Variants in EYA1 observed in about 807,000 individuals in gnomAD.
EYA1 encodes the protein protein phosphatase EYA1.
Under a neutral mutation model 82.0 loss-of-function variants are expected in EYA1, and 16 were observed. The ratio of observed to expected loss-of-function variants is 0.20; its 90% CI spans 0.13 to 0.30. The LOEUF (loss-of-function observed/expected upper bound fraction) is 0.30. EYA1 is among the 10% of genes least tolerant of loss of function. The probability of loss-of-function intolerance (pLI) is 1.00; values close to 1 mark genes in which losing one functional copy is unlikely to be tolerated. For synonymous variants in EYA1, 261 were observed against 264.4 expected, an observed-to-expected ratio of 0.99 and a Z score of 0.12; for missense variants, 633 against 730.7, an observed-to-expected ratio of 0.87 and a Z score of 1.54.
chr8:71,256,865 G>A (rs541267475), intron 11 of EYA1, among the ~76,000 whole-genome samples: 3 of 152,018 alleles, frequency 2.0e-5, no homozygotes, highest in Non-Finnish European at 2.9e-5. Context: ...TGGGCATGGT[G>A]GCGCATGCCT....
intron 17 of EYA1, 118 bp downstream of exon 17, chr8:71,211,038 G>A (rs1392388343): frequency 4.0e-6 from 3 of 757,916 alleles, no homozygotes; most frequent in African/African-American, 3.4e-5. Flanking sequence ...AGTGCTTAGA[G>A]TACTGCACAT....
At chr8:71,412,847 C>T (rs1830679385) in intron 2 of EYA1, among the ~76,000 whole-genome samples, 1 of 152,200 alleles carries the variant, frequency 6.6e-6, no homozygotes, top group Non-Finnish European at 1.5e-5. Flanking sequence ...TACCTCTTGA[C>T]AGTCTCACAT....
At chr8:71,336,608 G>T (rs1824513430) in intron 3 of EYA1, among the ~76,000 whole-genome samples, 1 of 152,110 alleles carries the variant, frequency 6.6e-6, no homozygotes, top group South Asian at 2.1e-4. Flanking sequence ...CTCCCAAGAG[G>T]CACATTCAAT....
intron 2 of EYA1, among the ~76,000 whole-genome samples, chr8:71,418,619 C>T (rs187205153): frequency 1.7e-4 from 26 of 152,312 alleles, no homozygotes; most frequent in African/African-American, 5.8e-4. Flanking sequence ...CAAATATACA[C>T]ATTATCTCAG....
intron 9 of EYA1, among the ~76,000 whole-genome samples, chr8:71,294,409 G>C (rs917566074): frequency 1.2e-4 from 18 of 152,024 alleles, no homozygotes; most frequent in Admixed American, 3.3e-4. Flanking sequence ...GCAGTGAGCC[G>C]AGATAGCGCC....
At chr8:71,386,025 G>A (rs1342586021) in intron 2 of EYA1, among the ~76,000 whole-genome samples, 1 of 151,980 alleles carries the variant, frequency 6.6e-6, no homozygotes, top group Non-Finnish European at 1.5e-5. Context: ...TACTTGTTTT[G>A]GTTTTGTAGT....
intron 11 of EYA1, among the ~76,000 whole-genome samples, chr8:71,256,781 C>A (rs1422225341): frequency 6.6e-6 from 1 of 152,136 alleles, no homozygotes; most frequent in Non-Finnish European, 1.5e-5. Context: ...GGGTGGATCA[C>A]CTGAGGTCAG....
In EYA1 at chr8:71,333,459, AATAT is replaced by A. The variant is rs765107851; in HGVS notation, c.202+634_202+637del. 1.1e-3 allele frequency among the ~76,000 whole-genome samples: 169 copies of A among 152,348 alleles called. 1 individual carries two copies. The highest frequency in any genetic ancestry group is 2.1e-3 in the Non-Finnish European group (146 of 68,040). ...TCTGATATAAATAATTTTTAAATGAAATATTCCAAACTGGGCTGGGTGACTTGGC... is the reference window on the plus strand; with the variant it reads ...TCTGATATAAATAATTTTTAAATGAATCCAAACTGGGCTGGGTGACTTGGC... On this transcript the variant is annotated intron_variant, in intron 4 of 17. Coordinates refer to ENST00000340726, the MANE Select transcript of EYA1 (RefSeq NM_000503.6).
At position 71,411,353 on chromosome 8, in the gene EYA1, T is replaced by G. The variant is rs1477143404; in HGVS notation, c.34-54842A>C. Among the ~76,000 whole-genome samples, 5 of 43,544 alleles carry G rather than the reference T, an allele frequency of 1.1e-4. No individual in the cohort carries two copies. The Admixed American group carries it at 1.2e-3, about 10-fold the overall frequency. The allele number at this position is 43,544 out of a possible 152,430, so 28.6% of individuals were successfully genotyped here. A position where few individuals can be genotyped will look rare whatever the true frequency, so the allele number is the denominator to read the frequency against. On this transcript the variant is annotated intron_variant, in intron 2 of 18. Transcript: ENST00000643681. ...TTCATGTCCAAAACACCAAAAGCAA[T>G]GGCAACAAAAGCCAAAATTGACAAA...
chr8:71,496,467 A>G (rs1364552161), intron 2 of EYA1, among the ~76,000 whole-genome samples: 1 of 152,212 alleles, frequency 6.6e-6, no homozygotes, highest in African/African-American at 2.4e-5. Flanking sequence ...TGTAATTTCT[A>G]TTTATATCTA....
chr8:71,328,966 C>T (rs1407096686), intron 4 of EYA1, among the ~76,000 whole-genome samples: 1 of 152,152 alleles, frequency 6.6e-6, no homozygotes, highest in African/African-American at 2.4e-5. Flanking sequence ...CTCCTGTATG[C>T]TTGATGCCAT....
At chr8:71,504,174 CA>C (rs34984661) in intron 2 of EYA1, among the ~76,000 whole-genome samples, 1 of 151,736 alleles carries the variant, frequency 6.6e-6, no homozygotes, top group East Asian at 1.9e-4. Context: ...ACTATAATTA[CA>C]AAAAAATTTG....
chr8:71,422,155 A>G (rs897422120), intron 2 of EYA1, among the ~76,000 whole-genome samples: 9 of 152,192 alleles, frequency 5.9e-5, no homozygotes, highest in African/African-American at 2.2e-4. Context: ...GATACCTCTG[A>G]AAAAAATGAT....
At chr8:71,394,891 C>T (rs1829498096) in intron 2 of EYA1, among the ~76,000 whole-genome samples, 1 of 152,114 alleles carries the variant, frequency 6.6e-6, no homozygotes, top group Non-Finnish European at 1.5e-5. Flanking sequence ...GCAGTATGGC[C>T]ATTTTCACGA....
At chr8:71,259,474 GA>G (rs1253188440) in intron 11 of EYA1, among the ~76,000 whole-genome samples, 2 of 152,218 alleles carry the variant, frequency 1.3e-5, no homozygotes, top group Admixed American at 1.3e-4. Context: ...TAAGACTCAT[GA>G]AAGTCGCACA....
intron 7 of EYA1, 66 bp from the exon 8 acceptor site, chr8:71,299,786 A>G (rs1820002538): frequency 9.2e-6 from 8 of 870,248 alleles, no homozygotes; most frequent in African/African-American, 1.6e-5. Flanking sequence ...ACAGGAAAAT[A>G]GCATTTAGAA....
intron 8 of EYA1, 128 bp downstream of exon 8, chr8:71,299,510 G>A (rs976546412): frequency 1.4e-6 from 1 of 740,404 alleles, no homozygotes; most frequent in Non-Finnish European, 2.3e-6. Flanking sequence ...CTGCTAAAGT[G>A]AATTTTAAAA....
At chr8:71,384,256 T>G (rs1828859007) in intron 2 of EYA1, among the ~76,000 whole-genome samples, 1 of 152,230 alleles carries the variant, frequency 6.6e-6, no homozygotes, top group Non-Finnish European at 1.5e-5. Context: ...ATTTAAACAT[T>G]TTTAAGAAGG....
intron 3 of EYA1, among the ~76,000 whole-genome samples, chr8:71,341,488 G>C (rs1825121464): frequency 6.6e-6 from 1 of 152,026 alleles, no homozygotes; most frequent in Admixed American, 6.5e-5. Context: ...GTACGAAAGT[G>C]GAAAAAAGCA....
Sources: allele counts gnomAD v4.1 joint callset (sites outside exome capture counted in the v4.1 genomes callset), GRCh38; gene constraint gnomAD v4.1.1; transcripts MANE v1.5; gene names NCBI Gene and HGNC (gene_info 2026-07-23, HGNC 2026-07-21).